The following RBFOX1 variants were observed in gnomAD, a reference collection of about 807,000 sequenced individuals.
The protein encoded by RBFOX1 is RNA binding protein fox-1 homolog 1.
Under a neutral mutation model 57.7 loss-of-function variants are expected in RBFOX1, and 8 were observed. The observed-to-expected ratio is 0.14, with a 90% CI of 0.08 to 0.25. The LOEUF is 0.25. RBFOX1 is among the 10% of genes least tolerant of loss of function. The pLI, the probability that RBFOX1 is intolerant of heterozygous loss-of-function variation, is 1.00. For missense variants in RBFOX1, 611 were observed against 548.5 expected (o/e 1.11, Z -1.14); for synonymous variants, 326 against 222.4 (o/e 1.47, Z -4.15).
At chr16:5,656,930 CAG>C (rs879157516) in intron 3 of RBFOX1, among the ~76,000 whole-genome samples, 1 of 151,982 alleles carries the variant, frequency 6.6e-6, no homozygotes, top group African/African-American at 2.4e-5. Context: ...TGGGACCTGT[CAG>C]GGGGTGGGGA....
chr16:5,787,094 A>T (rs2054528387), intron 3 of RBFOX1, among the ~76,000 whole-genome samples: 1 of 152,202 alleles, frequency 6.6e-6, no homozygotes, highest in Non-Finnish European at 1.5e-5. Context: ...AGATTGCGCC[A>T]CTGCATTCCA....
intron 3 of RBFOX1, among the ~76,000 whole-genome samples, chr16:6,663,473 T>C (rs1373489607): frequency 6.6e-6 from 1 of 152,118 alleles, no homozygotes; most frequent in Admixed American, 6.6e-5. Flanking sequence ...ATCTGTGCAC[T>C]TCTGATAGCA....
At chr16:5,782,163 A>G (rs1376334614) in intron 3 of RBFOX1, among the ~76,000 whole-genome samples, 1 of 152,226 alleles carries the variant, frequency 6.6e-6, no homozygotes, top group Non-Finnish European at 1.5e-5. Flanking sequence ...GTGAGATGAG[A>G]TGGCACCACT....
chr16:6,336,204 T>A (rs1432038242), intron 2 of RBFOX1, among the ~76,000 whole-genome samples: 7 of 90,790 alleles, frequency 7.7e-5, no homozygotes, highest in African/African-American at 3.4e-4. Context: ...TTTTTTTTTT[T>A]TTTTTTTTTT....
chr16:7,483,879 G>A lies in RBFOX1; in HGVS notation c.28-34268G>A, dbSNP rs1274262391. 2.0e-5 allele frequency among the ~76,000 whole-genome samples: 3 copies of A among 152,218 alleles called. No homozygotes were observed. The East Asian group carries it at 5.8e-4, about 29-fold the overall frequency. ...TTTTCAAAATTAAGTGATGGTTTAT[G>A]TACAATCTAATTCATCCGCTTAAGT... On this transcript the variant is annotated intron_variant, in intron 4 of 15. Coordinates refer to ENST00000550418, the MANE Select transcript of RBFOX1 (RefSeq NM_018723.4).
intron 1 of RBFOX1, among the ~76,000 whole-genome samples, chr16:6,206,231 A>G (rs1276926457): frequency 6.6e-6 from 1 of 152,040 alleles, no homozygotes; most frequent in African/African-American, 2.4e-5. Context: ...TCTATGGGCA[A>G]GCCAGGCTCT....
chr16:5,983,213 G>T (rs767808847), intron 4 of RBFOX1, among the ~76,000 whole-genome samples: 7 of 152,222 alleles, frequency 4.6e-5, no homozygotes, highest in Non-Finnish European at 1.0e-4. Flanking sequence ...AATTAGGGAT[G>T]TCAGAAATCC....
At chr16:6,329,074 C>G (rs1008130340) in intron 2 of RBFOX1, among the ~76,000 whole-genome samples, 1 of 152,190 alleles carries the variant, frequency 6.6e-6, no homozygotes, top group South Asian at 2.1e-4. Context: ...TACCCTTCCC[C>G]CTGAAGTTAA....
intron 4 of RBFOX1, among the ~76,000 whole-genome samples, chr16:5,988,220 G>T (rs970149345): frequency 6.6e-6 from 1 of 152,166 alleles, no homozygotes; most frequent in Non-Finnish European, 1.5e-5. Flanking sequence ...TTAACTCAGG[G>T]AAGTCTTTTC....
intron 3 of RBFOX1, among the ~76,000 whole-genome samples, chr16:6,846,091 A>G (rs1449306020): frequency 2.6e-5 from 4 of 152,094 alleles, no homozygotes. Context: ...TTTCTGTACC[A>G]CTAAAATATA....
intron 3 of RBFOX1, among the ~76,000 whole-genome samples, chr16:5,751,763 G>A (rs762495894): frequency 6.6e-6 from 1 of 152,206 alleles, no homozygotes; most frequent in East Asian, 1.9e-4. Flanking sequence ...AGATGGTTTA[G>A]TGTTTACTCC....
At chr16:5,700,475 C>G (rs541644354) in intron 3 of RBFOX1, among the ~76,000 whole-genome samples, 1 of 152,130 alleles carries the variant, frequency 6.6e-6, no homozygotes, top group African/African-American at 2.4e-5. Context: ...ATGAAGTCTA[C>G]GTGTCTTTCT....
intron 1 of RBFOX1, among the ~76,000 whole-genome samples, chr16:5,361,287 T>C (rs1405552835): frequency 3.9e-5 from 6 of 152,114 alleles, no homozygotes; most frequent in African/African-American, 1.4e-4. Flanking sequence ...ATAGTTGCTG[T>C]CCAAGGATCC....
Position 6,338,099 on chromosome 16 carries a change from T to C in RBFOX1, c.-64+21042T>C, listed in dbSNP as rs17139885. Among the ~76,000 whole-genome samples the C allele has an allele frequency of 3.2e-3, 491 of 152,350 alleles. 6 individuals are homozygous for C. Among genetic ancestry groups the C allele is most frequent in the African/African-American group, 0.011 (466 of 41,582 alleles). ...TGTCTGCAATATGTGAAATACGTGA[T>C]ATTCTACTATCAGATACTTTGGATT... On this transcript the variant is annotated intron_variant, in intron 2 of 15. Transcript: ENST00000550418.
chr16:6,890,916 C>T (rs1041403605), intron 3 of RBFOX1, among the ~76,000 whole-genome samples: 13 of 152,162 alleles, frequency 8.5e-5, no homozygotes, highest in Admixed American at 8.5e-4. Context: ...AAGTGAGAAA[C>T]TTGAACAGAC....
At chr16:5,260,519 T>C (rs1392322925) in intron 1 of RBFOX1, among the ~76,000 whole-genome samples, 3 of 152,166 alleles carry the variant, frequency 2.0e-5, no homozygotes, top group Admixed American at 2.0e-4. Flanking sequence ...ATAAATGTAG[T>C]TTTTTCTTAG....
At chr16:7,383,339 A>G (rs778267091) in intron 4 of RBFOX1, among the ~76,000 whole-genome samples, 4 of 152,124 alleles carry the variant, frequency 2.6e-5, no homozygotes, top group Admixed American at 2.0e-4. Context: ...TGCTTGGACA[A>G]AATTAGGCTC....
At position 7,335,663 on chromosome 16, in the gene RBFOX1, A is replaced by C. The variant is rs1467022608; in HGVS notation, c.28-182484A>C. On this transcript the variant is annotated intron_variant, in intron 4 of 15. Coordinates refer to ENST00000550418, the MANE Select transcript of RBFOX1 (RefSeq NM_018723.4). Reference sequence around the variant, plus strand: ...CCAGACTTTAAGACGGCATCCACCTAATCCTGCAAAGGCAGTGGATGGAGG... The same window carrying C: ...CCAGACTTTAAGACGGCATCCACCTCATCCTGCAAAGGCAGTGGATGGAGG... Among the ~76,000 whole-genome samples the C allele has an allele frequency of 2.0e-5, 3 of 152,014 alleles. No individual in the cohort carries two copies. The East Asian group carries it at 5.8e-4, about 29-fold the overall frequency.
intron 3 of RBFOX1, among the ~76,000 whole-genome samples, chr16:7,008,236 T>G (rs560370590): frequency 2.0e-5 from 3 of 152,252 alleles, no homozygotes; most frequent in African/African-American, 7.2e-5. Flanking sequence ...ATGAATAGCT[T>G]AAAGTATTAG....
Sources: allele counts gnomAD v4.1 joint callset (sites outside exome capture counted in the v4.1 genomes callset), GRCh38; gene constraint gnomAD v4.1.1; transcripts MANE v1.5; gene names NCBI Gene and HGNC (gene_info 2026-07-23, HGNC 2026-07-21).